The following COL25A1 variants were observed in gnomAD, a reference collection of about 807,000 sequenced individuals.
The protein encoded by COL25A1 is collagen type XXV alpha 1 chain.
COL25A1 carries 103 observed loss-of-function variants against 128.4 expected under a neutral mutation model. The observed-to-expected ratio is 0.80, with a 90% CI of 0.68 to 0.94. The LOEUF is 0.94. Ranked by LOEUF, COL25A1 falls within the 40% of genes least tolerant of loss-of-function variation. The pLI is 0.00. For missense variants in COL25A1, 745 were observed against 840.0 expected, an observed-to-expected ratio of 0.89 and a Z score of 1.40; for synonymous variants, 279 against 277.2, an observed-to-expected ratio of 1.01 and a Z score of -0.06.
intron 8 of COL25A1, among the ~76,000 whole-genome samples, chr4:108,955,510 A>G (rs542939826): frequency 6.6e-6 from 1 of 152,266 alleles, no homozygotes; most frequent in Admixed American, 6.5e-5. Flanking sequence ...CCCCTCTCCT[A>G]TTCTTTGTAG....
intron 3 of COL25A1, among the ~76,000 whole-genome samples, chr4:109,186,436 G>A (rs1343930687): frequency 6.6e-6 from 1 of 152,160 alleles, no homozygotes; most frequent in East Asian, 1.9e-4. Context: ...TTTCAGAAAA[G>A]AGATCTCTAG....
At chr4:108,981,045 A>G (rs1290949635) in intron 6 of COL25A1, among the ~76,000 whole-genome samples, 1 of 152,192 alleles carries the variant, frequency 6.6e-6, no homozygotes, top group East Asian at 1.9e-4. Context: ...CACATACTCA[A>G]TCCCCACACT....
At chr4:108,897,629 C>A (rs1742297864) in intron 15 of COL25A1, among the ~76,000 whole-genome samples, 1 of 152,142 alleles carries the variant, frequency 6.6e-6, no homozygotes, top group South Asian at 2.1e-4. Flanking sequence ...GCAACTAGGG[C>A]AGTATCTGGC....
intron 6 of COL25A1, among the ~76,000 whole-genome samples, chr4:109,006,378 ATTTTTTTTTTTTTTTTTT>A (rs56845799): frequency 9.6e-5 from 5 of 51,842 alleles, no homozygotes; most frequent in Non-Finnish European, 9.7e-5. Flanking sequence ...CACCCAGCTA[ATTTTTTTTTTTTTTTTTT>A]TTTTTTTTTT....
At chr4:109,101,547 A>C (rs919771412) in intron 3 of COL25A1, among the ~76,000 whole-genome samples, 1 of 152,228 alleles carries the variant, frequency 6.6e-6, no homozygotes, top group African/African-American at 2.4e-5. Flanking sequence ...AAAATGTACG[A>C]AAGAAAAAAT....
chr4:108,915,585 T>A (rs1437194353), intron 13 of COL25A1, among the ~76,000 whole-genome samples: 1 of 152,166 alleles, frequency 6.6e-6, no homozygotes, highest in African/African-American at 2.4e-5. Flanking sequence ...TTATTTGCCA[T>A]ATTTCTTACT....
chr4:108,851,703 T>A (rs72897020), intron 26 of COL25A1, among the ~76,000 whole-genome samples: 2,889 of 152,266 alleles, frequency 0.019, 67 homozygotes, highest in African/African-American at 0.06. Context: ...TATTTTTAGT[T>A]GGTATGTTTC....
chr4:109,264,196 G>A (rs764851327), intron 3 of COL25A1, among the ~76,000 whole-genome samples: 1 of 152,150 alleles, frequency 6.6e-6, no homozygotes, highest in African/African-American at 2.4e-5. Flanking sequence ...CTTGGGTGAA[G>A]GCCAAAAAGT....
intron 5 of COL25A1, among the ~76,000 whole-genome samples, chr4:109,042,280 G>T (rs569783771): frequency 6.6e-6 from 1 of 152,158 alleles, no homozygotes; most frequent in Admixed American, 6.5e-5. Flanking sequence ...GACATGAAAA[G>T]ACACTAGAGA....
intron 6 of COL25A1, among the ~76,000 whole-genome samples, chr4:108,976,451 G>A (rs1211880814): frequency 2.6e-5 from 4 of 152,134 alleles, no homozygotes; most frequent in Non-Finnish European, 4.4e-5. Context: ...CTATTCCTGG[G>A]CCTCATTGAG....
At chr4:109,283,583 T>C (rs769620629) in intron 3 of COL25A1, among the ~76,000 whole-genome samples, 43 of 152,124 alleles carry the variant, frequency 2.8e-4, no homozygotes, top group Admixed American at 5.9e-4. Context: ...AAAAATTACT[T>C]GAATGCTTTT....
intron 20 of COL25A1, 144 bp downstream of exon 20, chr4:108,868,944 G>C: frequency 3.8e-6 from 2 of 525,416 alleles, no homozygotes; most frequent in Non-Finnish European, 6.6e-6. Context: ...AGGAAAGAAA[G>C]AAAAGAAAGA....
intron 16 of COL25A1, 130 bp from the exon 17 acceptor site, chr4:108,889,863 A>G: frequency 2.8e-6 from 2 of 704,414 alleles, no homozygotes; most frequent in South Asian, 1.8e-5. Context: ...ACTACGTTCC[A>G]GAAGACTTTG....
At chr4:109,153,191 G>T (rs1206485943) in intron 3 of COL25A1, among the ~76,000 whole-genome samples, 1 of 151,882 alleles carries the variant, frequency 6.6e-6, no homozygotes, top group Non-Finnish European at 1.5e-5. Context: ...TTCGAGACCA[G>T]CCTGACCAAC....
chr4:109,180,921 A>G (rs1321183726), intron 3 of COL25A1, among the ~76,000 whole-genome samples: 1 of 152,170 alleles, frequency 6.6e-6, no homozygotes, highest in Non-Finnish European at 1.5e-5. Flanking sequence ...TTCTAGAGAT[A>G]TATCTTTTTT....
intron 3 of COL25A1, among the ~76,000 whole-genome samples, chr4:109,091,317 T>A (rs1247350625): frequency 1.3e-5 from 2 of 152,226 alleles, no homozygotes; most frequent in African/African-American, 4.8e-5. Flanking sequence ...CTCCCCTTTT[T>A]GTCTCTCTAA....
At chr4:109,079,442 T>C (rs1026720226) in intron 3 of COL25A1, among the ~76,000 whole-genome samples, 3 of 149,622 alleles carry the variant, frequency 2.0e-5, no homozygotes, top group Admixed American at 2.0e-4. Context: ...CAACAAAAAA[T>C]GTTGTCATTT....
intron 3 of COL25A1, among the ~76,000 whole-genome samples, chr4:109,094,707 T>C (rs1765244633): frequency 6.6e-6 from 1 of 152,146 alleles, no homozygotes; most frequent in South Asian, 2.1e-4. Flanking sequence ...ATACACTTCA[T>C]TCCACATGTC....
intron 3 of COL25A1, among the ~76,000 whole-genome samples, chr4:109,154,142 T>C (rs1338833297): frequency 6.6e-6 from 1 of 152,252 alleles, no homozygotes; most frequent in African/African-American, 2.4e-5. Flanking sequence ...CCTTTATGAT[T>C]ATCATCTTTA....
Sources: allele counts gnomAD v4.1 joint callset (sites outside exome capture counted in the v4.1 genomes callset), GRCh38; gene constraint gnomAD v4.1.1; transcripts MANE v1.5; gene names NCBI Gene and HGNC (gene_info 2026-07-23, HGNC 2026-07-21).